The following CCSER2 variants were observed in gnomAD, a reference collection of about 807,000 sequenced individuals.
The protein encoded by CCSER2 is serine-rich coiled-coil domain-containing protein 2.
A neutral mutation model predicts 92.3 loss-of-function variants in CCSER2; 46 were observed. The ratio of observed to expected loss-of-function variants is 0.50; its 90% confidence interval spans 0.39 to 0.64. The LOEUF is 0.64. Ranked by LOEUF, CCSER2 falls within the 30% of genes least tolerant of loss-of-function variation. The pLI is 0.00. For missense variants in CCSER2, 1,244 were observed against 1,238.9 expected (o/e 1.00, Z -0.06); for synonymous variants, 433 against 431.4 (o/e 1.00, Z -0.04).
intron 3 of CCSER2, 187 bp downstream of exon 3, chr10:84,374,002 C>T (rs542829381): frequency 4.8e-4 from 603 of 1,262,166 alleles, no homozygotes; most frequent in Non-Finnish European, 6.0e-4. Flanking sequence ...GAATATATGA[C>T]ATTTGACTTA....
chr10:84,434,810 G>A (rs1844005060), intron 5 of CCSER2, among the ~76,000 whole-genome samples: 1 of 152,168 alleles, frequency 6.6e-6, no homozygotes, highest in Admixed American at 6.5e-5. Flanking sequence ...ATTAGGAAAT[G>A]AAGCATAGAG....
intron 1 of CCSER2, among the ~76,000 whole-genome samples, chr10:84,356,663 A>G (rs1002483016): frequency 2.0e-5 from 3 of 152,206 alleles, no homozygotes; most frequent in African/African-American, 4.8e-5. Flanking sequence ...CTATCAGGGA[A>G]GAGATCGGTT....
rs563031651 is a variant in CCSER2, at chr10:84,403,026, A to C, written c.1615-14745A>C. ...TTACACAATTTTGAAAAATAAGAAT[A>C]AAGTGGCAAGAATTACTCTACCTGA... is the stretch of plus-strand genomic sequence containing the variant. On this transcript the variant is annotated intron_variant, in intron 3 of 9. Transcript: ENST00000372088. Among the ~76,000 whole-genome samples, 16 of 152,336 alleles carry C rather than the reference A, an allele frequency of 1.1e-4. 1 individual carries two copies. In the East Asian group the frequency reaches 2.9e-3, roughly 28 times the overall value.
chr10:84,391,254 A>G (rs1344130559), intron 3 of CCSER2: 5 of 1,404,038 alleles, frequency 3.6e-6, no homozygotes, highest in Non-Finnish European at 5.1e-6. Flanking sequence ...ATGCTAAACA[A>G]TGCTCAACCA....
rs10654679 is a variant in CCSER2 at position 84,439,198 on chromosome 10, C to CTTTTT, written c.2064+499_2064+503dup. ...CTTCTCCTGTTTTTTTTTTTCTTTT[C>CTTTTT]TTTTTTTTTTTTGAGAAAATCTAGA... is the stretch of plus-strand genomic sequence containing the variant. On this transcript the variant is annotated intron_variant, in intron 6 of 9. Transcript: ENST00000372088. Among the ~76,000 whole-genome samples, 75 of 139,796 alleles carry CTTTTT rather than the reference C, an allele frequency of 5.4e-4. 1 individual carries two copies. Among genetic ancestry groups the CTTTTT allele is most frequent in the Middle Eastern group, 3.7e-3 (1 of 268 alleles). 91.7% of individuals were successfully genotyped at this position (139,796 alleles called of 152,430 possible).
intron 8 of CCSER2, among the ~76,000 whole-genome samples, chr10:84,472,779 C>CT (rs1846895005): frequency 6.6e-6 from 1 of 152,048 alleles, no homozygotes; most frequent in Non-Finnish European, 1.5e-5. Context: ...CAGAATGTAT[C>CT]TTTAAAAAAA....
chr10:84,340,738 G>A (rs910214666), intron 1 of CCSER2, among the ~76,000 whole-genome samples: 4 of 151,272 alleles, frequency 2.6e-5, no homozygotes, highest in African/African-American at 9.7e-5. Flanking sequence ...TTCTCCATTA[G>A]TGTTTTCTCT....
At position 84,510,382 on chromosome 10, in the gene CCSER2, G is replaced by A. The variant is rs114426868; in HGVS notation, c.2326-3067G>A. Among the ~76,000 whole-genome samples, 635 of 152,116 alleles carry A rather than the reference G, an allele frequency of 4.2e-3. 4 individuals carry two copies. The highest frequency in any genetic ancestry group is 0.015 in the African/African-American group (619 of 41,496). On this transcript the variant is annotated intron_variant, in intron 9 of 9. Transcript: ENST00000372088. The stretch of plus-strand genomic sequence containing the variant: ...TCTTTTTGTTCCCATATGTTGTTAC[G>A]CTTAAGACATGATCTCACCATTCCT...
intron 4 of CCSER2, 49 bp downstream of exon 4, chr10:84,417,910 C>T (rs758769868): frequency 8.0e-6 from 7 of 879,090 alleles, no homozygotes; most frequent in East Asian, 4.9e-5. Flanking sequence ...TTGAGCTACT[C>T]GACTGTAGCC....
At chr10:84,361,662 A>T (rs1415086784) in intron 1 of CCSER2, among the ~76,000 whole-genome samples, 1 of 148,460 alleles carries the variant, frequency 6.7e-6, no homozygotes, top group Admixed American at 6.7e-5. Flanking sequence ...TTTTTTTGAG[A>T]TGGAGTTTCG....
intron 9 of CCSER2, 73 bp downstream of exon 9, chr10:84,477,737 G>T: frequency 1.3e-6 from 1 of 790,568 alleles, no homozygotes; most frequent in South Asian, 1.8e-5. Context: ...TCTTTTTACA[G>T]CAATCTCTAA....
chr10:84,433,182 C>T (rs1197420543), intron 5 of CCSER2, among the ~76,000 whole-genome samples: 3 of 152,064 alleles, frequency 2.0e-5, no homozygotes, highest in South Asian at 2.1e-4. Flanking sequence ...AATATTGTTT[C>T]GGATATTTTG....
intron 1 of CCSER2, among the ~76,000 whole-genome samples, chr10:84,347,435 C>A (rs1361159141): frequency 1.3e-5 from 2 of 148,216 alleles, no homozygotes; most frequent in Non-Finnish European, 3.0e-5. Flanking sequence ...CCCTCCCGGA[C>A]GGGTCGGCTG....
chr10:84,438,721 G>A lies in CCSER2; in HGVS notation c.2064+14G>A, dbSNP rs745919519. ...CTCCTGCATCAGGTGAGTACATAAT[G>A]AACATTTCCAGCTCTGATATTTTGA... On this transcript the variant is annotated intron_variant, in intron 6 of 9. Transcript: ENST00000372088. 4.7e-6 allele frequency: 7 copies of A among 1,498,288 alleles called. No individual in the cohort carries two copies. In the Admixed American group the frequency reaches 1.3e-4, roughly 27 times the overall value. The allele number at this position is 1,498,288 out of a possible 1,614,324, so 92.8% of individuals were successfully genotyped here.
At chr10:84,448,033 A>T (rs1344069397) in intron 6 of CCSER2, among the ~76,000 whole-genome samples, 2 of 152,002 alleles carry the variant, frequency 1.3e-5, no homozygotes, top group Non-Finnish European at 2.9e-5. Flanking sequence ...CTTTTCTCAT[A>T]CTACTCCAGC....
chr10:84,451,126 G>A (rs1044720033), intron 6 of CCSER2, among the ~76,000 whole-genome samples: 4 of 151,964 alleles, frequency 2.6e-5, no homozygotes, highest in Non-Finnish European at 5.9e-5. Context: ...TTAGAGCAGG[G>A]TATAATACTG....
In CCSER2 at chr10:84,373,723, G is replaced by A. The variant is rs780147628; in HGVS notation, c.1522G>A (p.Asp508Asn). Reference sequence around the variant, plus strand: ...TGAACTCTCTCCATCTGATAGCTCTGATGGAACATACATGTGGGATGAAGA... The same window carrying A: ...TGAACTCTCTCCATCTGATAGCTCTAATGGAACATACATGTGGGATGAAGA... ...SFELSPSDSS[D>N]GTYMWDEEGL... Residue 508 changes from aspartate to asparagine, a missense_variant, in exon 3 of 10, where the codon GAT becomes AAT. By Grantham distance (23) the Asp-to-Asn change is conservative. Transcript: ENST00000372088. The A allele has an allele frequency of 6.2e-7, 1 of 1,613,796 alleles. No homozygotes were observed. The highest frequency in any genetic ancestry group is 8.5e-7 in the Non-Finnish European group (1 of 1,179,800).
rs368148361 is a variant in CCSER2 at position 84,496,206 on chromosome 10, T to G, written c.2326-17243T>G. 3.1e-4 allele frequency among the ~76,000 whole-genome samples: 47 copies of G among 152,322 alleles called. No individual in the cohort carries two copies. The East Asian group carries it at 7.3e-3, about 24-fold the overall frequency. ...CTCCCATTTATAAGTTTCTTAAATATTTTTTATGCGTATTTTAAGAAGTAC... is the reference window on the plus strand; with the variant it reads ...CTCCCATTTATAAGTTTCTTAAATAGTTTTTATGCGTATTTTAAGAAGTAC... On this transcript the variant is annotated intron_variant, in intron 9 of 9. Transcript: ENST00000372088.
chr10:84,341,139 C>G (rs965720745), intron 1 of CCSER2, among the ~76,000 whole-genome samples: 1 of 148,294 alleles, frequency 6.7e-6, no homozygotes, highest in Non-Finnish European at 1.5e-5. Flanking sequence ...CTCCTGGACT[C>G]AAGTGATGTG....
Sources: allele counts gnomAD v4.1 joint callset (sites outside exome capture counted in the v4.1 genomes callset), GRCh38; gene constraint gnomAD v4.1.1; transcripts MANE v1.5; gene names NCBI Gene and HGNC (gene_info 2026-07-23, HGNC 2026-07-21).